Variants in GRIP1 observed in about 807,000 individuals in gnomAD.
The protein encoded by GRIP1 is glutamate receptor-interacting protein 1.
GRIP1 carries 45 observed loss-of-function variants against 129.9 expected under a neutral mutation model. The observed-to-expected ratio is 0.35, with a 90% CI of 0.27 to 0.44. The LOEUF (loss-of-function observed/expected upper bound fraction) is 0.44, where lower values mean the gene tolerates loss of function less well. Among genes scored for constraint, GRIP1 ranks in the 20% least tolerant of loss-of-function variants. The pLI, the probability that GRIP1 is intolerant of heterozygous loss-of-function variation, is 1.00. For missense variants in GRIP1, 1,196 were observed against 1,396.8 expected (o/e 0.86, Z 2.29); for synonymous variants, 530 against 520.8 (o/e 1.02, Z -0.24).
chr12:66,844,745 T>C (rs1469532180), intron 1 of GRIP1, among the ~76,000 whole-genome samples: 2 of 152,160 alleles, frequency 1.3e-5, no homozygotes, highest in Non-Finnish European at 2.9e-5. Context: ...TATGTGTACA[T>C]AGATACTTAG....
chr12:66,662,340 T>A (rs1441775195), intron 1 of GRIP1, among the ~76,000 whole-genome samples: 1 of 152,150 alleles, frequency 6.6e-6, no homozygotes, highest in African/African-American at 2.4e-5. Flanking sequence ...TTCCCCATTC[T>A]ACACTCCTGG....
chr12:66,978,732 A>G (rs924815533), intron 1 of GRIP1, among the ~76,000 whole-genome samples: 8 of 152,344 alleles, frequency 5.3e-5, no homozygotes, highest in Admixed American at 5.2e-4. Context: ...AAAATAACTA[A>G]TGGAAAACAA....
chr12:66,353,486 A>G lies in GRIP1; in HGVS notation c.3090T>C (p.Tyr1030=). ...VADGLLEKGV[Y]VKNIRPAGPG... ...GCCCAGCTGGGCGAATATTTTTGAC[A>G]TACACTCCTTTCTCCAGTAAGCCAT... The change falls in exon 24 of 25, where the codon TAT becomes TAC. Residue 1030 remains tyrosine, a synonymous_variant. Coordinates refer to ENST00000359742, the MANE Select transcript of GRIP1 (RefSeq NM_001366722.1). The G allele has an allele frequency of 1.2e-6, 2 of 1,613,036 alleles. No homozygotes were observed. The highest frequency in any genetic ancestry group is 2.2e-5 in the South Asian group (2 of 91,064).
At chr12:66,733,425 A>G (rs760212891) in intron 1 of GRIP1, among the ~76,000 whole-genome samples, 1 of 152,182 alleles carries the variant, frequency 6.6e-6, no homozygotes, top group Non-Finnish European at 1.5e-5. Context: ...TTCTGAGGAA[A>G]GTGCCTTAAA....
chr12:66,783,967 T>C (rs142227855), intron 1 of GRIP1, among the ~76,000 whole-genome samples: 1 of 152,262 alleles, frequency 6.6e-6, no homozygotes, highest in East Asian at 1.9e-4. Context: ...TTTCAATTCA[T>C]TCATATTGTA....
chr12:66,584,286 T>C (rs2063524716), intron 2 of GRIP1, among the ~76,000 whole-genome samples: 1 of 151,426 alleles, frequency 6.6e-6, no homozygotes, highest in Non-Finnish European at 1.5e-5. Context: ...AGGGATAGCA[T>C]TGGGAGATAT....
chr12:66,457,816 C>T (rs922828236), intron 9 of GRIP1, among the ~76,000 whole-genome samples: 1 of 152,166 alleles, frequency 6.6e-6, no homozygotes, highest in Non-Finnish European at 1.5e-5. Flanking sequence ...GCTCTGCCTC[C>T]AGCCCTTCCT....
At chr12:66,934,253 A>G (rs1009006115) in intron 1 of GRIP1, among the ~76,000 whole-genome samples, 2 of 152,198 alleles carry the variant, frequency 1.3e-5, no homozygotes, top group African/African-American at 2.4e-5. Flanking sequence ...CTCATGTCTT[A>G]CTGACTGCCT....
At chr12:66,500,020 A>C (rs1242200373) in intron 7 of GRIP1, among the ~76,000 whole-genome samples, 1 of 152,118 alleles carries the variant, frequency 6.6e-6, no homozygotes, top group Non-Finnish European at 1.5e-5. Flanking sequence ...CAAACAAAAA[A>C]CCCCAAGAAA....
chr12:66,606,637 A>C (rs1319787592), intron 1 of GRIP1, among the ~76,000 whole-genome samples: 1 of 152,190 alleles, frequency 6.6e-6, no homozygotes, highest in African/African-American at 2.4e-5. Flanking sequence ...AAAACAGATA[A>C]TTCCATTTTA....
At chr12:66,980,672 A>G (rs752098346) in intron 1 of GRIP1, among the ~76,000 whole-genome samples, 4 of 152,218 alleles carry the variant, frequency 2.6e-5, no homozygotes, top group Non-Finnish European at 5.9e-5. Context: ...ATAAAATATT[A>G]TCCTTATTAT....
chr12:67,030,107 A>T (rs1245291940), intron 1 of GRIP1, among the ~76,000 whole-genome samples: 1 of 150,570 alleles, frequency 6.6e-6, no homozygotes, highest in Non-Finnish European at 1.5e-5. Context: ...GCTACTGGGG[A>T]GGCTGAGGCA....
chr12:66,439,974 T>C (rs1432016270), intron 13 of GRIP1, among the ~76,000 whole-genome samples: 1 of 152,186 alleles, frequency 6.6e-6, no homozygotes, highest in Non-Finnish European at 1.5e-5. Flanking sequence ...CAGACACTGC[T>C]TGAATATCCT....
At chr12:66,357,584 T>C (rs1387187372) in intron 23 of GRIP1, among the ~76,000 whole-genome samples, 2 of 152,244 alleles carry the variant, frequency 1.3e-5, no homozygotes, top group African/African-American at 4.8e-5. Context: ...GATCACTGTC[T>C]GAATCAAAAT....
intron 9 of GRIP1, among the ~76,000 whole-genome samples, chr12:66,459,361 GTGTT>G (rs2059066586): frequency 6.6e-6 from 1 of 152,166 alleles, no homozygotes; most frequent in Admixed American, 6.5e-5. Flanking sequence ...AGTTATTACT[GTGTT>G]TGGCCAATTT....
chr12:67,046,501 A>T (rs906173363), intron 1 of GRIP1, among the ~76,000 whole-genome samples: 4 of 152,244 alleles, frequency 2.6e-5, no homozygotes, highest in South Asian at 2.1e-4. Flanking sequence ...TGGATTTTAA[A>T]TCTTACAGTA....
At chr12:66,990,108 C>T (rs2042372041) in intron 1 of GRIP1, among the ~76,000 whole-genome samples, 4 of 152,198 alleles carry the variant, frequency 2.6e-5, no homozygotes, top group Non-Finnish European at 5.9e-5. Flanking sequence ...GAAGAAAATA[C>T]TGTCTCAAAT....
At chr12:66,653,066 A>G (rs1233168296) in intron 1 of GRIP1, among the ~76,000 whole-genome samples, 1 of 152,218 alleles carries the variant, frequency 6.6e-6, no homozygotes, top group Non-Finnish European at 1.5e-5. Flanking sequence ...ATTTTGTCAG[A>G]AAAGTCATGG....
At chr12:66,651,596 A>T (rs1402392754) in intron 1 of GRIP1, among the ~76,000 whole-genome samples, 1 of 152,174 alleles carries the variant, frequency 6.6e-6, no homozygotes, top group Non-Finnish European at 1.5e-5. Flanking sequence ...TTAATACACC[A>T]TGGCTAATTG....
Sources: allele counts gnomAD v4.1 joint callset (sites outside exome capture counted in the v4.1 genomes callset), GRCh38; gene constraint gnomAD v4.1.1; transcripts MANE v1.5; gene names NCBI Gene and HGNC (gene_info 2026-07-23, HGNC 2026-07-21).